The following IGHMBP2 variants were observed in gnomAD, a reference collection of about 807,000 sequenced individuals.
IGHMBP2 encodes immunoglobulin mu DNA binding protein 2.
A neutral mutation model predicts 96.0 loss-of-function variants in IGHMBP2; 81 were observed. The ratio of observed to expected loss-of-function variants is 0.84; its 90% CI spans 0.71 to 1.01. IGHMBP2 has a LOEUF of 1.01. Ranked by LOEUF, IGHMBP2 falls within the 50% of genes least tolerant of loss-of-function variation. The pLI is 0.00. For missense variants in IGHMBP2, 1,227 were observed against 1,306.3 expected, an observed-to-expected ratio of 0.94 and a Z score of 0.94; for synonymous variants, 557 against 548.9, an observed-to-expected ratio of 1.01 and a Z score of -0.21.
chr11:68,912,575 G>C (rs1858482407), intron 5 of IGHMBP2, among the ~76,000 whole-genome samples: 1 of 149,824 alleles, frequency 6.7e-6, no homozygotes, highest in African/African-American at 2.5e-5. Flanking sequence ...AGAGCTTTTT[G>C]AAAAAACTTT....
chr11:68,935,420 A>G lies in IGHMBP2; in HGVS notation c.1754A>G (p.Lys585Arg), dbSNP rs146450269. ...VILSFVRSNR[K>R]GEVGFLAEDR... ...CTGTCCTTCGTCAGATCCAACAGGA[A>G]AGGTACGGAGCCCTCGCCAGAGTCC... is the stretch of plus-strand genomic sequence containing the variant. The change falls in exon 12 of 15, where the codon AAA becomes AGA. Residue 585 changes from lysine (K) to arginine (R), a missense_variant and splice_region_variant. Lys to Arg is a conservative substitution (Grantham distance 26, BLOSUM62 2). This residue lies in a region of IGHMBP2 where 703 missense variants were observed against 770.3 expected (regional missense o/e 0.91). Coordinates refer to ENST00000255078, the MANE Select transcript of IGHMBP2 (RefSeq NM_002180.3). The G allele has an allele frequency of 2.6e-5, 42 of 1,613,902 alleles. No homozygotes were observed. In the African/African-American group the frequency reaches 5.1e-4, roughly 19 times the overall value.
At chr11:68,926,859 A>T (rs1181040610) in intron 7 of IGHMBP2, among the ~76,000 whole-genome samples, 1 of 151,950 alleles carries the variant, frequency 6.6e-6, no homozygotes, top group East Asian at 1.9e-4. Context: ...TCCGTCTCCT[A>T]GGTTCAAGCG....
chr11:68,915,066 A>G, intron 6 of IGHMBP2, 43 bp downstream of exon 6: 1 of 1,505,428 alleles, frequency 6.6e-7, no homozygotes, highest in Non-Finnish European at 9.2e-7. Flanking sequence ...TGGGCTTCTG[A>G]TCTGCAGTCT....
chr11:68,927,557 C>T (rs1290961904), intron 7 of IGHMBP2, among the ~76,000 whole-genome samples: 1 of 152,208 alleles, frequency 6.6e-6, no homozygotes, highest in Non-Finnish European at 1.5e-5. Context: ...CTTCTAGATT[C>T]CCAGGAATAT....
chr11:68,903,928 C>G lies in IGHMBP2; in HGVS notation c.-25C>G. 6.3e-7 allele frequency: 1 copy of G among 1,595,746 alleles called. No homozygotes were observed. The highest frequency in any genetic ancestry group is 8.5e-7 in the Non-Finnish European group (1 of 1,171,332). On this transcript the variant is annotated 5_prime_UTR_variant, in exon 1 of 15. Coordinates refer to ENST00000255078, the MANE Select transcript of IGHMBP2 (RefSeq NM_002180.3). ...CGGCGCAGAAGCGGGACGTCGGCTTCTAGGGGCCCAGGCCGGCGGCGGCGA... is the reference window on the plus strand; with the variant it reads ...CGGCGCAGAAGCGGGACGTCGGCTTGTAGGGGCCCAGGCCGGCGGCGGCGA...
At chr11:68,929,084 C>A in intron 7 of IGHMBP2, 99 bp from the exon 8 acceptor site, 1 of 1,135,784 alleles carries the variant, frequency 8.8e-7, no homozygotes, top group Non-Finnish European at 1.3e-6. Context: ...CAATGCAAGC[C>A]TTGATGAAAC....
chr11:68,935,389 G>C lies in IGHMBP2; in HGVS notation c.1723G>C (p.Val575Leu), dbSNP rs748775914. 104 of 1,614,008 alleles carry C rather than the reference G, an allele frequency of 6.4e-5. No individual in the cohort carries two copies. Among genetic ancestry groups the C allele is most frequent in the Non-Finnish European group, 8.3e-5 (98 of 1,180,042 alleles). The change falls in exon 12 of 15, where the codon GTG (valine) becomes CTG (leucine). Residue 575 changes from valine to leucine, a missense_variant. This residue lies in a region of IGHMBP2 where 703 missense variants were observed against 770.3 expected (regional missense o/e 0.91). Transcript: ENST00000255078. ...DGFQGREKEAVILSFVRSNRK... is the reference protein window; with the variant it reads ...DGFQGREKEALILSFVRSNRK... ...CTTCCAAGGCCGAGAGAAGGAGGCC[G>C]TGATACTGTCCTTCGTCAGATCCAA...
rs144401213 is a variant in IGHMBP2, at chr11:68,908,254, C to T, written c.366C>T (p.His122=). Residue 122 remains histidine (H), a synonymous_variant, in exon 3 of 15, where the codon CAC becomes CAT. Transcript: ENST00000255078. ...TCACGGTGGCCTTTGATGAGTCCCACGATTTCCAGTTGAGCTTGGACCGAG... is the reference window on the plus strand; with the variant it reads ...TCACGGTGGCCTTTGATGAGTCCCATGATTTCCAGTTGAGCTTGGACCGAG... ...KSVTVAFDES[H]DFQLSLDREN... is the part of the protein sequence containing the mutation. 3,080 of 1,614,004 alleles carry T rather than the reference C, an allele frequency of 1.9e-3. 54 individuals carry two copies. The East Asian group carries it at 0.024, about 13-fold the overall frequency.
intron 7 of IGHMBP2, among the ~76,000 whole-genome samples, chr11:68,925,766 G>A (rs1489515984): frequency 3.3e-5 from 5 of 152,130 alleles, no homozygotes; most frequent in South Asian, 2.1e-4. Flanking sequence ...CCCTTTGGAC[G>A]TGTCATTCCA....
At chr11:68,907,980 T>C (rs1035028377) in intron 2 of IGHMBP2, among the ~76,000 whole-genome samples, 165 bp from the exon 3 acceptor site, 1 of 147,242 alleles carries the variant, frequency 6.8e-6, no homozygotes, top group African/African-American at 2.5e-5. Context: ...TGAGCCACCG[T>C]GCCCGGCCTA....
intron 9 of IGHMBP2, 91 bp downstream of exon 9, chr11:68,933,572 C>A: frequency 1.4e-6 from 2 of 1,459,522 alleles, no homozygotes; most frequent in Non-Finnish European, 1.9e-6. Context: ...TAAAGTGAAG[C>A]TTTCTGCATG....
rs1859574420 is a variant in IGHMBP2 at position 68,937,057 on chromosome 11, G to A, written c.2577G>A (p.Gln859=). 6.9e-6 allele frequency: 11 copies of A among 1,602,632 alleles called. No individual in the cohort carries two copies. Among genetic ancestry groups the A allele is most frequent in the Non-Finnish European group, 9.3e-6 (11 of 1,179,896 alleles). ...AGGAGCAGCAGGCCTCAGGGCAGCA[G>A]AAACTTCCAGAAAAGAAAAAGAAAA... ...ASKEQQASGQ[Q]KLPEKKKKKA... The change falls in exon 13 of 15, where the codon CAG becomes CAA. Residue 859 remains glutamine, a synonymous_variant. Coordinates refer to ENST00000255078, the MANE Select transcript of IGHMBP2 (RefSeq NM_002180.3).
intron 12 of IGHMBP2, among the ~76,000 whole-genome samples, chr11:68,935,970 C>A (rs1159922445): frequency 6.6e-6 from 1 of 152,312 alleles, no homozygotes; most frequent in Admixed American, 6.5e-5. Context: ...TGCAGCCACA[C>A]CCCAGGCGGC....
In IGHMBP2 at chr11:68,905,801, A is replaced by T. The variant is rs61887149; in HGVS notation, c.87-268A>T. ...CAGGTAGAAATGGGAGGGGCCTGAT[A>T]GGACTTAGTGACAGATGGGAGGAGA... On this transcript the variant is annotated intron_variant, in intron 1 of 14. Transcript: ENST00000255078. Among the ~76,000 whole-genome samples the T allele has an allele frequency of 0.22, 34,124 of 152,054 alleles. 4,941 individuals are homozygous for T. Among genetic ancestry groups the T allele is most frequent in the Admixed American group, 0.4 (6,068 of 15,268 alleles).
chr11:68,931,654 T>G (rs1451717202), intron 8 of IGHMBP2, among the ~76,000 whole-genome samples: 2 of 152,026 alleles, frequency 1.3e-5, no homozygotes, highest in Non-Finnish European at 2.9e-5. Flanking sequence ...CAGCCAGGGT[T>G]CCCTGCTGCA....
intron 6 of IGHMBP2, among the ~76,000 whole-genome samples, chr11:68,916,911 T>C (rs1052210919): frequency 2.0e-5 from 3 of 149,626 alleles, no homozygotes; most frequent in Non-Finnish European, 3.0e-5. Flanking sequence ...GTAAAATACC[T>C]CCTGTCACCC....
At chr11:68,934,610 C>A (rs1859454159) in intron 11 of IGHMBP2, 52 bp downstream of exon 11, 1 of 1,342,790 alleles carries the variant, frequency 7.4e-7, no homozygotes, top group Non-Finnish European at 1.1e-6. Context: ...CTCACACAAC[C>A]TAGAGGGTGA....
chr11:68,929,982 C>T, intron 8 of IGHMBP2: 1 of 1,036,710 alleles, frequency 9.6e-7, no homozygotes, highest in Non-Finnish European at 1.2e-6. Context: ...CCCAGCCCCC[C>T]TCTCACCTCT....
In IGHMBP2 at chr11:68,906,232, A is replaced by G. The variant is rs2154006546; in HGVS notation, c.250A>G (p.Thr84Ala). Residue 84 changes from threonine (T) to alanine (A), a missense_variant, in exon 2 of 15, where the codon ACT becomes GCT. This residue lies in a region of IGHMBP2 where 507 missense variants were observed against 496.9 expected (regional missense o/e 1.02). Transcript: ENST00000255078. ...SAAALPSNSF[T>A]SGDIVGLYDA... The stretch of plus-strand genomic sequence containing the variant: ...GGCAGCTCTTCCCAGTAACAGCTTT[A>G]CTTCTGGTGTGTGCGTATTGACCTA... The G allele has an allele frequency of 6.2e-7, 1 of 1,614,004 alleles. No homozygotes were observed. Among genetic ancestry groups the G allele is most frequent in the Non-Finnish European group, 8.5e-7 (1 of 1,179,988 alleles).
Sources: allele counts gnomAD v4.1 joint callset (sites outside exome capture counted in the v4.1 genomes callset), GRCh38; gene constraint gnomAD v4.1.1; regional missense constraint gnomAD v4.1.1; transcripts MANE v1.5; gene names NCBI Gene and HGNC (gene_info 2026-07-23, HGNC 2026-07-21).